The following ASTN1 variants were observed in gnomAD, a reference collection of about 807,000 sequenced individuals.
The protein encoded by ASTN1 is astrotactin-1.
In ASTN1, 41 loss-of-function variants were observed where a neutral mutation model predicts 140.7. The observed-to-expected ratio is 0.29, with a 90% CI of 0.23 to 0.38. ASTN1 has a LOEUF of 0.38. Ranked by LOEUF, ASTN1 falls within the 10% of genes least tolerant of loss-of-function variation. ASTN1 has a pLI of 1.00. For missense variants in ASTN1, 1,479 were observed against 1,678.8 expected, an observed-to-expected ratio of 0.88 and a Z score of 2.08; for synonymous variants, 640 against 652.2, an observed-to-expected ratio of 0.98 and a Z score of 0.29.
chr1:176,887,823 T>C (rs976427007), intron 18 of ASTN1, among the ~76,000 whole-genome samples: 8 of 152,302 alleles, frequency 5.3e-5, no homozygotes, highest in Non-Finnish European at 1.0e-4. Context: ...GCCGTCACCA[T>C]GGCGTCAGTT....
chr1:176,946,023 G>A lies in ASTN1; in HGVS notation c.2152C>T (p.Leu718Phe). Reference protein sequence around the residue: ...EGSDCGESRELPMNQTLFGEM... With the variant: ...EGSDCGESREFPMNQTLFGEM... Reference sequence around the variant, plus strand: ...CCAAAGAGGGTCTGGTTCATGGGAAGCTCCCTGCTTTCCCCACAGTCACTT... The same window carrying A: ...CCAAAGAGGGTCTGGTTCATGGGAAACTCCCTGCTTTCCCCACAGTCACTT... Residue 718 changes from leucine to phenylalanine, a missense_variant, in exon 13 of 23, where the codon CTT (leucine) becomes TTT (phenylalanine). This residue lies in a region of ASTN1 where 746 missense variants were observed against 800.9 expected (regional missense o/e 0.93). Transcript: ENST00000361833. 1 of 1,614,134 alleles carries A rather than the reference G, an allele frequency of 6.2e-7. No homozygotes were observed. The highest frequency in any genetic ancestry group is 8.5e-7 in the Non-Finnish European group (1 of 1,179,994).
chr1:176,916,551 T>C (rs992396768), intron 16 of ASTN1, among the ~76,000 whole-genome samples: 1 of 152,086 alleles, frequency 6.6e-6, no homozygotes, highest in Non-Finnish European at 1.5e-5. Context: ...TCCACGAGTG[T>C]GCACTGCTAT....
chr1:176,883,282 G>C lies in ASTN1; in HGVS notation c.3227-288C>G, dbSNP rs535731080. ...GAGTCTAGCTCTGTCACCCAGGCTA[G>C]AGTGCAGTGGCGCGATCTTGTCTCA... On this transcript the variant is annotated intron_variant, in intron 19 of 22. Transcript: ENST00000361833. Among the ~76,000 whole-genome samples the C allele has an allele frequency of 6.5e-4, 95 of 146,572 alleles. 2 individuals carry two copies. The highest frequency in any genetic ancestry group is 4.1e-3 in the South Asian group (19 of 4,610).
chr1:176,948,308 G>C (rs2103114645), intron 12 of ASTN1, among the ~76,000 whole-genome samples: 1 of 141,682 alleles, frequency 7.1e-6, no homozygotes, highest in African/African-American at 2.5e-5. Flanking sequence ...GGGAGAGGGG[G>C]GAGAATGGAG....
chr1:177,111,582 C>T (rs1680825042), intron 1 of ASTN1, among the ~76,000 whole-genome samples: 1 of 152,174 alleles, frequency 6.6e-6, no homozygotes, highest in African/African-American at 2.4e-5. Flanking sequence ...TGCCAGGTGG[C>T]TTCCATGGAA....
intron 2 of ASTN1, among the ~76,000 whole-genome samples, chr1:177,049,702 G>A (rs1677436795): frequency 6.6e-6 from 1 of 152,226 alleles, no homozygotes. Context: ...GTGAGAAGAA[G>A]AAGATGTAAT....
downstream of ASTN1, chr1:176,857,508 G>A (rs1306837767): frequency 9.2e-6 from 4 of 435,066 alleles, no homozygotes; most frequent in Non-Finnish European, 1.7e-5. Context: ...GGGATGGAAG[G>A]TCACACGGAG....
In ASTN1 at chr1:176,970,129, T is replaced by C. The variant is rs551101750; in HGVS notation, c.1524-4892A>G. Among the ~76,000 whole-genome samples, 19 of 152,334 alleles carry C rather than the reference T, an allele frequency of 1.2e-4. 1 individual carries two copies. In the South Asian group the frequency reaches 3.9e-3, roughly 32 times the overall value. Reference sequence around the variant, plus strand: ...CTCTAAGCACTGGCAATTTTCAAGCTTTTGGTTTCTCTCCCAATTCTCTCT... The same window carrying C: ...CTCTAAGCACTGGCAATTTTCAAGCCTTTGGTTTCTCTCCCAATTCTCTCT... On this transcript the variant is annotated intron_variant, in intron 8 of 22. Transcript: ENST00000361833.
At chr1:177,161,604 G>C (rs574155482) in intron 1 of ASTN1, among the ~76,000 whole-genome samples, 7 of 152,352 alleles carry the variant, frequency 4.6e-5, no homozygotes, top group African/African-American at 1.4e-4. Flanking sequence ...TCTTGAAACA[G>C]TCCAGAAGGC....
intron 21 of ASTN1, among the ~76,000 whole-genome samples, chr1:176,876,150 T>C (rs1447180026): frequency 1.3e-5 from 2 of 152,190 alleles, no homozygotes; most frequent in Non-Finnish European, 2.9e-5. Flanking sequence ...GCTGTATATG[T>C]TAATTCAAAA....
In ASTN1 at chr1:177,030,962, G is replaced by C; in HGVS notation, c.866-10C>G. ...TTGGCATTGTCACTTCCTGTATAAGGAAAAGACGAGGCAAAAACTTTAAGA... is the reference window on the plus strand; with the variant it reads ...TTGGCATTGTCACTTCCTGTATAAGCAAAAGACGAGGCAAAAACTTTAAGA... On this transcript the variant is annotated splice_polypyrimidine_tract_variant and intron_variant, in intron 3 of 22. Coordinates refer to ENST00000361833, the MANE Select transcript of ASTN1 (RefSeq NM_004319.3). 1 of 1,604,446 alleles carries C rather than the reference G, an allele frequency of 6.2e-7. No individual in the cohort carries two copies. The highest frequency in any genetic ancestry group is 1.3e-5 in the African/African-American group (1 of 74,740).
At chr1:177,080,297 C>T (rs1274970807) in intron 1 of ASTN1, among the ~76,000 whole-genome samples, 2 of 140,490 alleles carry the variant, frequency 1.4e-5, no homozygotes, top group Non-Finnish European at 3.1e-5. Flanking sequence ...ATCACACTCT[C>T]AACTAAGACT....
chr1:177,049,437 T>A (rs1558058510), intron 2 of ASTN1, among the ~76,000 whole-genome samples: 1 of 152,194 alleles, frequency 6.6e-6, no homozygotes, highest in Non-Finnish European at 1.5e-5. Context: ...AATAAAAATA[T>A]TCAGATAATA....
Position 177,081,489 on chromosome 1 carries a change from C to A in ASTN1, c.284-20224G>T, listed in dbSNP as rs535011964. On this transcript the variant is annotated intron_variant, in intron 1 of 22. Transcript: ENST00000361833. ...AAACACTCTTATAAAACAAGAGTGG[C>A]CCATCTTCTTAAGAAGAAAGCATCA... Among the ~76,000 whole-genome samples, 10 of 152,152 alleles carry A rather than the reference C, an allele frequency of 6.6e-5. No individual in the cohort carries two copies. In the South Asian group the frequency reaches 2.1e-3, roughly 32 times the overall value.
At chr1:176,954,258 T>C (rs1327204494) in intron 11 of ASTN1, among the ~76,000 whole-genome samples, 11 of 152,186 alleles carry the variant, frequency 7.2e-5, no homozygotes, top group Non-Finnish European at 1.5e-4. Context: ...GGGCTCAATG[T>C]AATCACAAGA....
At chr1:177,081,769 T>C (rs1414358480) in intron 1 of ASTN1, among the ~76,000 whole-genome samples, 1 of 152,146 alleles carries the variant, frequency 6.6e-6, no homozygotes, top group Non-Finnish European at 1.5e-5. Flanking sequence ...TGAACTTTAC[T>C]CTACAGATGA....
chr1:176,886,499 G>A (rs1441773666), intron 18 of ASTN1, among the ~76,000 whole-genome samples: 1 of 152,176 alleles, frequency 6.6e-6, no homozygotes, highest in Non-Finnish European at 1.5e-5. Flanking sequence ...TAATGAGCTT[G>A]ATTCTCTTTT....
chr1:176,886,156 T>C (rs1669023272), intron 18 of ASTN1, among the ~76,000 whole-genome samples: 1 of 152,258 alleles, frequency 6.6e-6, no homozygotes, highest in Non-Finnish European at 1.5e-5. Flanking sequence ...TTACACAGAC[T>C]TGTGTAAAAC....
intron 1 of ASTN1, among the ~76,000 whole-genome samples, chr1:177,065,321 G>A (rs1678302645): frequency 6.6e-6 from 1 of 152,124 alleles, no homozygotes; most frequent in African/African-American, 2.4e-5. Flanking sequence ...CCCCCTAAAT[G>A]TCTGGAACTT....
Sources: allele counts gnomAD v4.1 joint callset (sites outside exome capture counted in the v4.1 genomes callset), GRCh38; gene constraint gnomAD v4.1.1; regional missense constraint gnomAD v4.1.1; transcripts MANE v1.5; gene names NCBI Gene and HGNC (gene_info 2026-07-23, HGNC 2026-07-21).